The following ANTXR2 variants were observed in gnomAD, a reference collection of about 807,000 sequenced individuals.
ANTXR2 encodes the protein anthrax toxin receptor 2.
Under a neutral mutation model 73.7 loss-of-function variants are expected in ANTXR2, and 44 were observed. That is an observed-to-expected ratio of 0.60 (90% confidence interval 0.47 to 0.77). The LOEUF is 0.77. ANTXR2 is among the 30% of genes least tolerant of loss of function. The probability of loss-of-function intolerance (pLI) is 0.00; values close to 1 mark genes in which losing one functional copy is unlikely to be tolerated. For synonymous variants in ANTXR2, 217 were observed against 205.9 expected (o/e 1.05, Z -0.46); for missense variants, 604 against 592.5 (o/e 1.02, Z -0.20).
In ANTXR2 at chr4:80,073,128, C is replaced by G. The variant is rs910866911; in HGVS notation, c.-568G>C. On this transcript the variant is annotated 5_prime_UTR_variant, in exon 1 of 17. Transcript: ENST00000403729. ...GGACTCTGGCACTGCGCTGACAGGC[C>G]GTCCCCTTTAGGGGAGGAGGCTAGC... 5 of 152,674 alleles carry G rather than the reference C, an allele frequency of 3.3e-5. No homozygotes were observed. The highest frequency in any genetic ancestry group is 3.3e-4 in the Admixed American group (5 of 15,296). 9.5% of individuals were successfully genotyped at this position (152,674 alleles called of 1,614,324 possible).
At chr4:80,064,719 G>T (rs1320457042) in intron 3 of ANTXR2, among the ~76,000 whole-genome samples, 3 of 152,134 alleles carry the variant, frequency 2.0e-5, no homozygotes, top group Non-Finnish European at 2.9e-5. Flanking sequence ...GGGCAGATCT[G>T]CAGCAAAGAA....
intron 10 of ANTXR2, among the ~76,000 whole-genome samples, chr4:80,025,252 T>C (rs941134405): frequency 9.9e-5 from 15 of 152,186 alleles, no homozygotes; most frequent in African/African-American, 3.4e-4. Context: ...AATAGTCACA[T>C]ACTTCTATTT....
chr4:80,002,645 T>G (rs1731101803), intron 12 of ANTXR2, among the ~76,000 whole-genome samples: 2 of 151,590 alleles, frequency 1.3e-5, no homozygotes, highest in African/African-American at 4.8e-5. Flanking sequence ...GGGAGAAAAT[T>G]TTTGCAACCT....
At chr4:80,031,051 G>T (rs1414560812) in intron 10 of ANTXR2, among the ~76,000 whole-genome samples, 1 of 151,830 alleles carries the variant, frequency 6.6e-6, no homozygotes, top group Non-Finnish European at 1.5e-5. Flanking sequence ...TTTCTTTTTA[G>T]CAGATATCGT....
chr4:79,985,889 T>C (rs911105016), intron 12 of ANTXR2, among the ~76,000 whole-genome samples: 3 of 147,032 alleles, frequency 2.0e-5, no homozygotes, highest in Non-Finnish European at 4.5e-5. Flanking sequence ...TTTCCCAGGC[T>C]GGAGTGCAAT....
At chr4:80,043,364 A>G (rs964299818) in intron 7 of ANTXR2, among the ~76,000 whole-genome samples, 2 of 152,010 alleles carry the variant, frequency 1.3e-5, no homozygotes, top group Non-Finnish European at 2.9e-5. Flanking sequence ...TCTCCTACTT[A>G]AGATGTGTCT....
At chr4:79,948,978 C>T (rs1728607913) in intron 16 of ANTXR2, among the ~76,000 whole-genome samples, 1 of 152,082 alleles carries the variant, frequency 6.6e-6, no homozygotes, top group African/African-American at 2.4e-5. Flanking sequence ...TCTCCTTTAG[C>T]TCTCCAATAT....
At chr4:80,008,435 T>C (rs1731411506) in intron 12 of ANTXR2, 86 bp downstream of exon 12, 1 of 1,047,600 alleles carries the variant, frequency 9.5e-7, no homozygotes. Flanking sequence ...TTTGCTGTTA[T>C]TAACATGGCA....
At chr4:80,060,104 A>C (rs895785806) in intron 3 of ANTXR2, among the ~76,000 whole-genome samples, 1 of 149,790 alleles carries the variant, frequency 6.7e-6, no homozygotes, top group African/African-American at 2.5e-5. Flanking sequence ...TCTGTTGAGC[A>C]TCTGTTGTAT....
At chr4:79,913,972 A>C (rs1423008049) in intron 16 of ANTXR2, among the ~76,000 whole-genome samples, 1 of 152,216 alleles carries the variant, frequency 6.6e-6, no homozygotes, top group Non-Finnish European at 1.5e-5. Flanking sequence ...AAGTCAGATC[A>C]CTAGTAAACT....
At chr4:80,072,253 G>T (rs1239391171) in intron 1 of ANTXR2, among the ~76,000 whole-genome samples, 156 bp downstream of exon 1, 2 of 152,080 alleles carry the variant, frequency 1.3e-5, no homozygotes. Flanking sequence ...ACACAGATCC[G>T]AACGCGCTTG....
chr4:80,040,023 C>T (rs1459094882), intron 7 of ANTXR2, among the ~76,000 whole-genome samples: 1 of 151,918 alleles, frequency 6.6e-6, no homozygotes, highest in Non-Finnish European at 1.5e-5. Flanking sequence ...GAAAATAAAA[C>T]CAAAGACTGC....
intron 16 of ANTXR2, among the ~76,000 whole-genome samples, chr4:79,918,259 G>A (rs1199341936): frequency 6.6e-6 from 1 of 151,952 alleles, no homozygotes; most frequent in Non-Finnish European, 1.5e-5. Context: ...TGTCCCATAA[G>A]GAGAGGACAA....
chr4:80,065,131 A>G (rs570949682), intron 3 of ANTXR2, among the ~76,000 whole-genome samples: 27 of 152,352 alleles, frequency 1.8e-4, no homozygotes, highest in African/African-American at 5.8e-4. Context: ...CTGGTGCATA[A>G]TAATTGTTCA....
intron 10 of ANTXR2, among the ~76,000 whole-genome samples, chr4:80,027,075 T>A (rs961567664): frequency 1.3e-5 from 2 of 152,144 alleles, no homozygotes; most frequent in Admixed American, 1.3e-4. Flanking sequence ...ATGATTCTAA[T>A]GTTCATATTC....
chr4:79,916,582 A>T (rs2109936791), intron 16 of ANTXR2, among the ~76,000 whole-genome samples: 1 of 152,304 alleles, frequency 6.6e-6, no homozygotes, highest in South Asian at 2.1e-4. Flanking sequence ...AAGCAATAAA[A>T]AAACAGAAAG....
At chr4:80,009,664 T>G (rs1432525651) in intron 11 of ANTXR2, among the ~76,000 whole-genome samples, 1 of 151,870 alleles carries the variant, frequency 6.6e-6, no homozygotes, top group African/African-American at 2.4e-5. Context: ...CTGGCCAACA[T>G]AGTGAAACCC....
At chr4:79,932,755 G>T (rs1159514820) in intron 16 of ANTXR2, among the ~76,000 whole-genome samples, 2 of 122,882 alleles carry the variant, frequency 1.6e-5, no homozygotes, top group African/African-American at 6.4e-5. Flanking sequence ...TCATGCCATT[G>T]CATTCCAGCC....
intron 12 of ANTXR2, among the ~76,000 whole-genome samples, chr4:79,986,112 T>G (rs996894994): frequency 6.6e-6 from 1 of 152,112 alleles, no homozygotes; most frequent in African/African-American, 2.4e-5. Context: ...CCAATACAGT[T>G]AATTCTTCAC....
Sources: allele counts gnomAD v4.1 joint callset (sites outside exome capture counted in the v4.1 genomes callset), GRCh38; gene constraint gnomAD v4.1.1; transcripts MANE v1.5; gene names NCBI Gene and HGNC (gene_info 2026-07-23, HGNC 2026-07-21).